TTC27: variants seen among roughly 807,000 people sequenced by gnomAD.
TTC27 encodes the protein tetratricopeptide repeat domain 27, also known as tetratricopeptide repeat protein 27.
TTC27 carries 79 observed loss-of-function variants against 115.9 expected under a neutral mutation model. The observed-to-expected ratio is 0.68, with a 90% CI of 0.57 to 0.82. The LOEUF (loss-of-function observed/expected upper bound fraction) is 0.82, where lower values mean the gene tolerates loss of function less well. Among genes scored for constraint, TTC27 ranks in the 40% least tolerant of loss-of-function variants. The pLI is 0.00. For synonymous variants in TTC27, 401 were observed against 356.0 expected, an observed-to-expected ratio of 1.13 and a Z score of -1.42; for missense variants, 1,054 against 993.1, an observed-to-expected ratio of 1.06 and a Z score of -0.82.
In TTC27 at chr2:32,777,787, G is replaced by A. The variant is rs970796359; in HGVS notation, c.1681-95G>A. The A allele has an allele frequency of 2.7e-6, 3 of 1,114,414 alleles. No individual in the cohort carries two copies. In the Admixed American group the frequency reaches 5.9e-5, roughly 22 times the overall value. 69.0% of individuals were successfully genotyped at this position (1,114,414 alleles called of 1,614,324 possible). On this transcript the variant is annotated intron_variant, in intron 13 of 19. Coordinates refer to ENST00000317907, the MANE Select transcript of TTC27 (RefSeq NM_017735.5). ...ATTATATAGCTCTGCATTCTTTCTA[G>A]GAGTGTGTTTGTTGATAGCATCTTA... is the stretch of plus-strand genomic sequence containing the variant.
intron 9 of TTC27, among the ~76,000 whole-genome samples, chr2:32,697,810 G>A (rs1667044198): frequency 6.6e-6 from 1 of 151,914 alleles, no homozygotes; most frequent in South Asian, 2.1e-4. Context: ...GGAGTGCAGT[G>A]GAATGATGTT....
At chr2:32,704,856 C>T (rs1248415009) in intron 10 of TTC27, 2 of 471,048 alleles carry the variant, frequency 4.2e-6, no homozygotes, top group Non-Finnish European at 8.8e-6. Flanking sequence ...CTCTTCTTCC[C>T]TCAGGTGGCA....
intron 10 of TTC27, among the ~76,000 whole-genome samples, chr2:32,707,912 G>C (rs909387281): frequency 2.0e-5 from 3 of 151,920 alleles, no homozygotes; most frequent in Non-Finnish European, 4.4e-5. Context: ...CAGGGAAAAT[G>C]ATGAGCCTGG....
Position 32,787,076 on chromosome 2 carries a change from T to A in TTC27, c.1925T>A (p.Val642Asp), listed in dbSNP as rs748497472. The change falls in exon 16 of 20, where the codon GTT becomes GAT. Residue 642 changes from valine (V) to aspartate (D), a missense_variant. Physicochemically the swap from Val to Asp is radical, Grantham distance 152 (BLOSUM62 -3). Coordinates refer to ENST00000317907, the MANE Select transcript of TTC27 (RefSeq NM_017735.5). ...WENYILTSTD[V>D]GEFSEAIKAY... ...AACTACATCCTCACCAGCACTGACG[T>A]TGGGGAATTTTCAGAAGCCATTAAA... 10 of 1,613,928 alleles carry A rather than the reference T, an allele frequency of 6.2e-6. No individual in the cohort carries two copies. In the Middle Eastern group the frequency reaches 6.6e-4, roughly 106 times the overall value.
At chr2:32,708,739 T>G (rs2163666) in intron 10 of TTC27, among the ~76,000 whole-genome samples, 20,186 of 152,016 alleles carry the variant, frequency 0.13, 1,793 homozygotes, top group Middle Eastern at 0.28. Flanking sequence ...TGAAACCATG[T>G]TTTTTTAGTT....
intron 9 of TTC27, among the ~76,000 whole-genome samples, chr2:32,694,029 A>G (rs1666901427): frequency 6.6e-6 from 1 of 152,206 alleles, no homozygotes; most frequent in Non-Finnish European, 1.5e-5. Context: ...ACCGTTGTAG[A>G]GGCTTTTGCA....
rs774575345 is a variant in TTC27, at chr2:32,628,364, G to A, written c.72G>A (p.Glu24=). The change falls in exon 1 of 20, where the codon GAG becomes GAA. Residue 24 remains glutamate, a synonymous_variant. Transcript: ENST00000317907. ...TEAERQQWKQ[E]GVVGSESGSF... ...CTGAGCGGCAGCAATGGAAACAGGAGGGGGTCGTCGGTTCAGGTGAGAGGC... is the reference window on the plus strand; with the variant it reads ...CTGAGCGGCAGCAATGGAAACAGGAAGGGGTCGTCGGTTCAGGTGAGAGGC... 4.6e-5 allele frequency: 74 copies of A among 1,604,132 alleles called. No individual in the cohort carries two copies. The highest frequency in any genetic ancestry group is 6.0e-5 in the Non-Finnish European group (71 of 1,176,558).
At chr2:32,672,032 G>A (rs2295729) in intron 7 of TTC27, among the ~76,000 whole-genome samples, 129,240 of 152,212 alleles carry the variant, frequency 0.85, 54,964 homozygotes, top group Middle Eastern at 0.92. Context: ...GGCTCAATCA[G>A]TGATAGCTGT....
chr2:32,796,207 AATAGC>A (rs1670698148), intron 16 of TTC27, among the ~76,000 whole-genome samples: 1 of 152,220 alleles, frequency 6.6e-6, no homozygotes, highest in East Asian at 1.9e-4. Context: ...TTCCATTTAC[AATAGC>A]ATAAAAAATA....
At chr2:32,641,852 A>G (rs1303225663) in intron 4 of TTC27, among the ~76,000 whole-genome samples, 1 of 147,492 alleles carries the variant, frequency 6.8e-6, no homozygotes, top group Non-Finnish European at 1.5e-5. Flanking sequence ...CTAATTTTGT[A>G]TTTTTATTTA....
At chr2:32,697,477 T>C (rs1667026665) in intron 9 of TTC27, among the ~76,000 whole-genome samples, 1 of 152,206 alleles carries the variant, frequency 6.6e-6, no homozygotes, top group Non-Finnish European at 1.5e-5. Context: ...TACTGAACAG[T>C]AAAGAAATGT....
Position 32,660,006 on chromosome 2 carries a change from T to C in TTC27, c.641-4297T>C, listed in dbSNP as rs572552236. On this transcript the variant is annotated intron_variant, in intron 5 of 19. Transcript: ENST00000317907. ...TGCATGTGTTTTTATAGCAGAATGATTTATAATCCTTTGGGTGTATACCCA... is the reference window on the plus strand; with the variant it reads ...TGCATGTGTTTTTATAGCAGAATGACTTATAATCCTTTGGGTGTATACCCA... Among the ~76,000 whole-genome samples, 90 of 152,332 alleles carry C rather than the reference T, an allele frequency of 5.9e-4. 2 individuals are homozygous for C. The highest frequency in any genetic ancestry group is 3.4e-3 in the Middle Eastern group (1 of 294).
At chr2:32,630,487 T>G (rs772235014) in intron 1 of TTC27, 36 bp from the exon 2 acceptor site, 1 of 1,519,140 alleles carries the variant, frequency 6.6e-7, no homozygotes. Flanking sequence ...AAAAATAATT[T>G]TTTTTGGATT....
intron 11 of TTC27, among the ~76,000 whole-genome samples, chr2:32,734,873 T>C (rs917937216): frequency 6.6e-6 from 1 of 152,234 alleles, no homozygotes; most frequent in Non-Finnish European, 1.5e-5. Flanking sequence ...TATTTTATTC[T>C]GCATTCCACA....
intron 1 of TTC27, among the ~76,000 whole-genome samples, chr2:32,628,743 T>TATC (rs2063532839): frequency 5.0e-5 from 1 of 20,106 alleles, no homozygotes; most frequent in African/African-American, 2.3e-4. Context: ...TTTTATCTAT[T>TATC]TATTTATTTA....
At chr2:32,706,958 T>A (rs1304047793) in intron 10 of TTC27, among the ~76,000 whole-genome samples, 2 of 152,206 alleles carry the variant, frequency 1.3e-5, no homozygotes, top group Non-Finnish European at 2.9e-5. Flanking sequence ...GTGACTAAGT[T>A]GTGAACAGTA....
intron 10 of TTC27, among the ~76,000 whole-genome samples, chr2:32,721,856 G>A (rs1572548277): frequency 1.3e-5 from 2 of 152,026 alleles, no homozygotes; most frequent in East Asian, 3.9e-4. Context: ...GGTTGGTTTT[G>A]AACTCCTGGC....
chr2:32,638,680 CCTT>C (rs1190431311), intron 3 of TTC27, among the ~76,000 whole-genome samples: 2 of 151,138 alleles, frequency 1.3e-5, no homozygotes, highest in Non-Finnish European at 3.0e-5. Context: ...GCCCGGCCCT[CCTT>C]CTTTCTTCTA....
rs369409902 is a variant in TTC27 at position 32,697,191 on chromosome 2, C to CAAA, written c.1120-5606_1120-5604dup. 1.7e-3 allele frequency among the ~76,000 whole-genome samples: 236 copies of CAAA among 140,682 alleles called. 2 individuals are homozygous for CAAA. Among genetic ancestry groups the CAAA allele is most frequent in the South Asian group, 7.3e-3 (33 of 4,534 alleles). 92.3% of individuals were successfully genotyped at this position (140,682 alleles called of 152,430 possible). A position where few individuals can be genotyped will look rare whatever the true frequency, so the allele number is the denominator to read the frequency against. ...TGGGCAATAGAGTGAGACCCTGTCTCAAAAAAAAAAAACAAACAAAAAGAA... is the reference window on the plus strand; with the variant it reads ...TGGGCAATAGAGTGAGACCCTGTCTCAAAAAAAAAAAAAAACAAACAAAAAGAA... On this transcript the variant is annotated intron_variant, in intron 9 of 19. Coordinates refer to ENST00000317907, the MANE Select transcript of TTC27 (RefSeq NM_017735.5).
Sources: gnomAD v4.1 joint callset for allele counts (sites outside exome capture counted in the v4.1 genomes callset) on GRCh38, gnomAD v4.1.1 for gene constraint, MANE v1.5 for transcripts, NCBI Gene and HGNC (gene_info 2026-07-23, HGNC 2026-07-21) for gene names.